Variants in SAG observed in about 807,000 individuals in gnomAD.
The protein encoded by SAG is S-antigen visual arrestin.
Under a neutral mutation model 55.0 loss-of-function variants are expected in SAG, and 45 were observed. The observed-to-expected ratio is 0.82, with a 90% CI of 0.64 to 1.05. SAG has a LOEUF of 1.05. Among genes scored for constraint, SAG ranks in the 50% least tolerant of loss-of-function variants. SAG has a pLI of 0.00. For missense variants in SAG, 455 were observed against 512.1 expected (o/e 0.89, Z 1.08); for synonymous variants, 189 against 197.4 (o/e 0.96, Z 0.36).
intron 5 of SAG, among the ~76,000 whole-genome samples, chr2:233,321,986 TACACACACACACAC>T (rs57822347): frequency 0.33 from 44,618 of 133,190 alleles, 8,910 homozygotes; most frequent in South Asian, 0.52. Flanking sequence ...CTACTAAAAA[TACACACACACACAC>T]ACACACACAC....
In SAG at chr2:233,338,964, A is replaced by C; in HGVS notation, c.1022+211A>C. The C allele has an allele frequency of 4.5e-6, 3 of 668,552 alleles. No individual in the cohort carries two copies. The South Asian group carries it at 4.7e-5, about 10-fold the overall frequency. 41.4% of individuals were successfully genotyped at this position (668,552 alleles called of 1,614,324 possible). A position where few individuals can be genotyped will look rare whatever the true frequency, so the allele number is the denominator to read the frequency against. ...CAGGTGGGAAAGGGTGGAGAAGCAG[A>C]CTCTGAAATGTGTGCATTCTTAGCG... is the stretch of plus-strand genomic sequence containing the variant. On this transcript the variant is annotated intron_variant, in intron 12 of 15. Transcript: ENST00000409110.
rs1701067336 is a variant in SAG at position 233,340,570 on chromosome 2, T to C, written c.1046+92T>C. 3.1e-6 allele frequency: 3 copies of C among 973,956 alleles called. No individual in the cohort carries two copies. In the Admixed American group the frequency reaches 6.0e-5, roughly 19 times the overall value. The allele number at this position is 973,956 out of a possible 1,614,324, so 60.3% of individuals were successfully genotyped here. Reference sequence around the variant, plus strand: ...CAAAACGGTTTCTGATGAAAGCTGCTTTCTGGACAGTTGTGCTCAGAGGTG... The same window carrying C: ...CAAAACGGTTTCTGATGAAAGCTGCCTTCTGGACAGTTGTGCTCAGAGGTG... On this transcript the variant is annotated intron_variant, in intron 13 of 15. Transcript: ENST00000409110. This position sits in a 1 kb window ranked among gnomAD's most constrained non-coding sequence, Gnocchi z 4.2.
rs1299212217 is a variant in SAG at position 233,330,019 on chromosome 2, T to TA, written c.733+445dup. 2.6e-5 allele frequency among the ~76,000 whole-genome samples: 4 copies of TA among 152,284 alleles called. No homozygotes were observed. In the East Asian group the frequency reaches 7.7e-4, roughly 29 times the overall value. On this transcript the variant is annotated intron_variant, in intron 9 of 15. Coordinates refer to ENST00000409110, the MANE Select transcript of SAG (RefSeq NM_000541.5). ...GGAGGTCCCACATGGAAGCGCTTTG[T>TA]AAATGGTGAAGTGTGACTGTCTCGG...
At chr2:233,318,647 A>G (rs1328988071) in intron 3 of SAG, 104 bp from the exon 4 acceptor site, 3 of 977,140 alleles carry the variant, frequency 3.1e-6, no homozygotes, top group Non-Finnish European at 4.9e-6. Flanking sequence ...CTTATAATGA[A>G]CATGGATTAC....
At chr2:233,326,893 C>A (rs1217907917) in intron 6 of SAG, among the ~76,000 whole-genome samples, 5 of 152,030 alleles carry the variant, frequency 3.3e-5, no homozygotes, top group Non-Finnish European at 2.9e-5. Flanking sequence ...GCAGGTGGAT[C>A]CCCTCCCTCT....
chr2:233,313,131 T>C (rs915309081), intron 2 of SAG, among the ~76,000 whole-genome samples: 42 of 152,070 alleles, frequency 2.8e-4, no homozygotes, highest in Non-Finnish European at 2.5e-4. Context: ...TGAGGTGTGG[T>C]CGCAGGCCAC....
At chr2:233,317,992 G>T (rs1020468763) in intron 3 of SAG, among the ~76,000 whole-genome samples, 5 of 152,006 alleles carry the variant, frequency 3.3e-5, no homozygotes, top group Non-Finnish European at 5.9e-5. Context: ...TTTGTCGGGG[G>T]TGTGGGACAG....
chr2:233,314,980 C>T (rs1700178388), intron 2 of SAG, among the ~76,000 whole-genome samples: 2 of 152,214 alleles, frequency 1.3e-5, no homozygotes, highest in African/African-American at 4.8e-5. Context: ...CCTGTGTGTC[C>T]TAGACTCTGC....
chr2:233,329,269 C>T (rs910480228), intron 8 of SAG: 3 of 505,096 alleles, frequency 5.9e-6, no homozygotes, highest in South Asian at 4.2e-5. Flanking sequence ...TGGCCTCCTC[C>T]GATGTGATGA....
In SAG at chr2:233,320,818, C is replaced by T; in HGVS notation, c.370C>T (p.Leu124=). ...GGGGAGCAACACGTACCCCTTTCTC[C>T]TGACGGTGGGTGACTCCTCCGGCCA... ...KLGSNTYPFL[L]TFPDYLPCSV... Residue 124 remains leucine, a synonymous_variant, in exon 5 of 16, where the codon CTG becomes TTG. Transcript: ENST00000409110. 6.3e-7 allele frequency: 1 copy of T among 1,587,742 alleles called. No individual in the cohort carries two copies. The highest frequency in any genetic ancestry group is 8.6e-7 in the Non-Finnish European group (1 of 1,167,230).
intron 2 of SAG, among the ~76,000 whole-genome samples, chr2:233,311,409 A>G (rs1700072227): frequency 6.6e-6 from 1 of 152,038 alleles, no homozygotes; most frequent in Non-Finnish European, 1.5e-5. Context: ...CTCATATCTC[A>G]TTGGCCAAAA....
chr2:233,338,151 T>C (rs1559452171), intron 11 of SAG, among the ~76,000 whole-genome samples: 1 of 151,898 alleles, frequency 6.6e-6, no homozygotes, highest in Admixed American at 6.6e-5. Flanking sequence ...AGGGTTGTGT[T>C]GGCAAGACTG....
At position 233,320,792 on chromosome 2, in the gene SAG, T is replaced by C; in HGVS notation, c.344T>C (p.Leu115Pro). The C allele has an allele frequency of 6.2e-7, 1 of 1,603,162 alleles. No homozygotes were observed. Among genetic ancestry groups the C allele is most frequent in the Non-Finnish European group, 8.5e-7 (1 of 1,174,910 alleles). ...TKLQESLLKK[L>P]GSNTYPFLLT... Reference sequence around the variant, plus strand: ...CTGCAAGAGAGCCTGCTTAAAAAGCTGGGGAGCAACACGTACCCCTTTCTC... The same window carrying C: ...CTGCAAGAGAGCCTGCTTAAAAAGCCGGGGAGCAACACGTACCCCTTTCTC... Residue 115 changes from leucine (L) to proline (P), a missense_variant, in exon 5 of 16, where the codon CTG (leucine) becomes CCG (proline). Coordinates refer to ENST00000409110, the MANE Select transcript of SAG (RefSeq NM_000541.5).
chr2:233,317,963 T>C (rs531366470), intron 3 of SAG, among the ~76,000 whole-genome samples: 1 of 152,284 alleles, frequency 6.6e-6, no homozygotes, highest in East Asian at 1.9e-4. Flanking sequence ...AAGTTATATA[T>C]GTCTGGAAAA....
chr2:233,315,527 A>C (rs60854662), intron 2 of SAG, among the ~76,000 whole-genome samples: 11 of 151,140 alleles, frequency 7.3e-5, no homozygotes, highest in African/African-American at 2.7e-4. Flanking sequence ...TCCCGACCTC[A>C]GGTGATCCGC....
intron 11 of SAG, among the ~76,000 whole-genome samples, chr2:233,336,352 T>C (rs1700926997): frequency 6.6e-6 from 1 of 152,104 alleles, no homozygotes; most frequent in Non-Finnish European, 1.5e-5. Flanking sequence ...CTGTCTCTAC[T>C]GAAAATACAA....
At chr2:233,324,273 T>C (rs2125331962) in intron 6 of SAG, among the ~76,000 whole-genome samples, 1 of 152,248 alleles carries the variant, frequency 6.6e-6, no homozygotes, top group East Asian at 1.9e-4. Context: ...ATGCCTGTAG[T>C]ACCAGCTACT....
In SAG at chr2:233,334,989, G is replaced by A; in HGVS notation, c.834G>A (p.Leu278=). 6.2e-7 allele frequency: 1 copy of A among 1,614,012 alleles called. No homozygotes were observed. Among genetic ancestry groups the A allele is most frequent in the Non-Finnish European group, 8.5e-7 (1 of 1,179,862 alleles). The part of the protein sequence containing the change: ...AQEKVPPNST[L]TKTLTLLPLL... ...AAAAAGTGCCACCAAACAGCACTTTGACCAAGACGCTGACGCTGCTGCCCT... is the reference window on the plus strand; with the variant it reads ...AAAAAGTGCCACCAAACAGCACTTTAACCAAGACGCTGACGCTGCTGCCCT... Residue 278 remains leucine, a synonymous_variant, in exon 11 of 16, where the codon TTG becomes TTA. Transcript: ENST00000409110.
chr2:233,320,591 C>A, intron 4 of SAG, 39 bp from the exon 5 acceptor site: 1 of 1,508,032 alleles, frequency 6.6e-7, no homozygotes, highest in Non-Finnish European at 8.9e-7. Flanking sequence ...GGTGCCAGGC[C>A]GAGGGCCAAG....
Sources: gnomAD v4.1 joint callset for allele counts (sites outside exome capture counted in the v4.1 genomes callset) on GRCh38, gnomAD v4.1.1 for gene constraint, Gnocchi (gnomAD v3.1) non-coding constraint, MANE v1.5 for transcripts, NCBI Gene and HGNC (gene_info 2026-07-23, HGNC 2026-07-21) for gene names.